Variants in KATNIP observed in about 807,000 individuals in gnomAD.
KATNIP encodes katanin-interacting protein.
A neutral mutation model predicts 174.0 loss-of-function variants in KATNIP; 126 were observed. The observed-to-expected ratio is 0.72, with a 90% confidence interval of 0.63 to 0.84. The LOEUF (loss-of-function observed/expected upper bound fraction) is 0.84. Among genes scored for constraint, KATNIP ranks in the 40% least tolerant of loss-of-function variants. The pLI, the probability that KATNIP is intolerant of heterozygous loss-of-function variation, is 0.00. For synonymous variants in KATNIP, 810 were observed against 835.7 expected, an observed-to-expected ratio of 0.97 and a Z score of 0.53; for missense variants, 1,958 against 2,109.7, an observed-to-expected ratio of 0.93 and a Z score of 1.41.
chr16:27,588,292 T>C (rs1447501242), intron 2 of KATNIP, among the ~76,000 whole-genome samples: 5 of 152,174 alleles, frequency 3.3e-5, no homozygotes, highest in Non-Finnish European at 7.3e-5. Context: ...AATGTATTTA[T>C]TGAGGTATAA....
chr16:27,558,767 G>A (rs928717678), intron 1 of KATNIP, among the ~76,000 whole-genome samples: 1 of 151,934 alleles, frequency 6.6e-6, no homozygotes, highest in African/African-American at 2.4e-5. Flanking sequence ...TACAGGAAAC[G>A]TTTGCTGACT....
intron 1 of KATNIP, among the ~76,000 whole-genome samples, chr16:27,559,062 T>C (rs565540106): frequency 6.6e-6 from 1 of 152,334 alleles, no homozygotes; most frequent in South Asian, 2.1e-4. Flanking sequence ...CCCAGCTCCC[T>C]CAGCATCTGG....
intron 5 of KATNIP, among the ~76,000 whole-genome samples, chr16:27,647,745 T>G (rs1050289410): frequency 6.6e-6 from 1 of 152,140 alleles, no homozygotes; most frequent in South Asian, 2.1e-4. Flanking sequence ...CCTCAGGTGA[T>G]CCGCCCACCT....
intron 20 of KATNIP, among the ~76,000 whole-genome samples, chr16:27,767,094 C>T (rs964009995): frequency 6.6e-6 from 1 of 152,072 alleles, no homozygotes; most frequent in East Asian, 1.9e-4. Flanking sequence ...GCTTTTCTGG[C>T]CTCAGGTGAC....
chr16:27,715,539 A>G (rs185447391), intron 13 of KATNIP, among the ~76,000 whole-genome samples: 343 of 152,342 alleles, frequency 2.3e-3, no homozygotes, highest in Non-Finnish European at 3.1e-3. Context: ...TGCACATCAT[A>G]TATCTGATAA....
At chr16:27,756,494 G>A (rs2081734148) in intron 18 of KATNIP, among the ~76,000 whole-genome samples, 1 of 152,172 alleles carries the variant, frequency 6.6e-6, no homozygotes, top group Admixed American at 6.5e-5. Context: ...CGGCCAGTAC[G>A]GAAGCTGGGA....
At chr16:27,661,005 G>A (rs892426641) in intron 6 of KATNIP, among the ~76,000 whole-genome samples, 3 of 152,148 alleles carry the variant, frequency 2.0e-5, no homozygotes, top group African/African-American at 2.4e-5. Context: ...ATGAGTGAGT[G>A]GTATAGCTGT....
chr16:27,771,533 T>A lies in KATNIP; in HGVS notation c.4134-55T>A, dbSNP rs182177635. On this transcript the variant is annotated intron_variant, in intron 21 of 27. Transcript: ENST00000261588. ...GGCTGTTACCTAGGGGGTAACTGGCTGGTGATTCTGGGCCGTCGTGAGCTT... is the reference window on the plus strand; with the variant it reads ...GGCTGTTACCTAGGGGGTAACTGGCAGGTGATTCTGGGCCGTCGTGAGCTT... 518 of 1,559,078 alleles carry A rather than the reference T, an allele frequency of 3.3e-4. 2 individuals carry two copies. In the African/African-American group the frequency reaches 6.4e-3, roughly 19 times the overall value.
At chr16:27,719,582 C>T (rs1410466389) in intron 13 of KATNIP, among the ~76,000 whole-genome samples, 1 of 151,714 alleles carries the variant, frequency 6.6e-6, no homozygotes, top group African/African-American at 2.4e-5. Context: ...GGTTTCACTA[C>T]GTTGGCCAGG....
At chr16:27,745,295 G>C (rs932153212) in intron 15 of KATNIP, among the ~76,000 whole-genome samples, 1 of 152,208 alleles carries the variant, frequency 6.6e-6, no homozygotes, top group African/African-American at 2.4e-5. Flanking sequence ...AACCAAGGAC[G>C]CTTCTTTCTA....
chr16:27,705,234 G>T (rs373894590), intron 12 of KATNIP, among the ~76,000 whole-genome samples: 97 of 152,058 alleles, frequency 6.4e-4, no homozygotes, highest in African/African-American at 2.2e-3. Context: ...GTGCTAAAAG[G>T]TGTGTGTCCC....
At chr16:27,751,426 G>A (rs2081511672) in intron 16 of KATNIP, among the ~76,000 whole-genome samples, 1 of 152,054 alleles carries the variant, frequency 6.6e-6, no homozygotes, top group Non-Finnish European at 1.5e-5. Context: ...ATCTGGGTGG[G>A]GTACCAACAG....
chr16:27,771,694 G>C (rs74013513), intron 22 of KATNIP, 42 bp downstream of exon 22: 342 of 1,601,464 alleles, frequency 2.1e-4, no homozygotes, highest in Non-Finnish European at 2.7e-4. Context: ...TCTGGGCCCC[G>C]AGGCAGCGCC....
At chr16:27,771,778 A>T in intron 22 of KATNIP, 126 bp downstream of exon 22, 1 of 981,322 alleles carries the variant, frequency 1.0e-6, no homozygotes, top group South Asian at 1.5e-5. Context: ...AAGGAAACCA[A>T]GGCAGAGGAT....
At chr16:27,695,489 T>C (rs1206801815) in intron 8 of KATNIP, among the ~76,000 whole-genome samples, 1 of 152,230 alleles carries the variant, frequency 6.6e-6, no homozygotes, top group East Asian at 1.9e-4. Flanking sequence ...TGCGAGGCTC[T>C]CTCTGCCCCT....
chr16:27,604,440 G>A lies in KATNIP; in HGVS notation c.64-13985G>A, dbSNP rs1300898664. On this transcript the variant is annotated intron_variant, in intron 2 of 27. Coordinates refer to ENST00000261588, the MANE Select transcript of KATNIP (RefSeq NM_015202.5). The stretch of plus-strand genomic sequence containing the variant: ...AGTACAGACAGAGTCTCACTGTGTT[G>A]TCCAGGCTGGTCTTGAGCTCCTGGG... Among the ~76,000 whole-genome samples, 4 of 152,226 alleles carry A rather than the reference G, an allele frequency of 2.6e-5. No homozygotes were observed. The East Asian group carries it at 7.7e-4, about 29-fold the overall frequency.
chr16:27,766,648 A>G (rs1406586994), intron 20 of KATNIP, among the ~76,000 whole-genome samples, 174 bp downstream of exon 20: 1 of 152,154 alleles, frequency 6.6e-6, no homozygotes, highest in Admixed American at 6.5e-5. Flanking sequence ...CAAATGGCAA[A>G]TGCAGGCTAA....
chr16:27,660,772 G>A (rs233474), intron 6 of KATNIP, among the ~76,000 whole-genome samples: 135,019 of 151,952 alleles, frequency 0.89, 60,222 homozygotes, highest in East Asian at 1. Flanking sequence ...AGTAGCTCAG[G>A]ATACAGGCAC....
rs144876520 is a variant in KATNIP, at chr16:27,698,490, G to T, written c.1103G>T (p.Ser368Ile). Residue 368 changes from serine (S) to isoleucine (I), a missense_variant, in exon 9 of 28, where the codon AGC becomes ATC. Coordinates refer to ENST00000261588, the MANE Select transcript of KATNIP (RefSeq NM_015202.5). ...AGCAGAAAGGCCGAGCAGCCAGCCA[G>T]CCCACTGCAGGTGCGCTCCGGGCTG... Reference protein sequence around the residue: ...LLSRKAEQPASPLQDAEGPPA... With the variant: ...LLSRKAEQPAIPLQDAEGPPA... 6.2e-7 allele frequency: 1 copy of T among 1,609,386 alleles called. No individual in the cohort carries two copies. The highest frequency in any genetic ancestry group is 2.2e-5 in the East Asian group (1 of 44,776).
Sources: allele counts gnomAD v4.1 joint callset (sites outside exome capture counted in the v4.1 genomes callset), GRCh38; gene constraint gnomAD v4.1.1; transcripts MANE v1.5; gene names NCBI Gene and HGNC (gene_info 2026-07-23, HGNC 2026-07-21).